Variants in RBBP5 observed in about 807,000 individuals in gnomAD.
RBBP5 encodes the protein RB binding protein 5, histone lysine methyltransferase complex subunit.
Under a neutral mutation model 72.2 loss-of-function variants are expected in RBBP5, and 5 were observed. The observed-to-expected ratio is 0.07, with a 90% CI of 0.04 to 0.15. The LOEUF is 0.15. Among genes scored for constraint, RBBP5 ranks in the 10% least tolerant of loss-of-function variants. RBBP5 has a pLI of 1.00. For synonymous variants in RBBP5, 209 were observed against 237.2 expected (o/e 0.88, Z 1.09); for missense variants, 322 against 652.2 (o/e 0.49, Z 5.51).
chr1:205,095,650 C>T (rs1161422936), intron 12 of RBBP5, among the ~76,000 whole-genome samples: 1 of 152,140 alleles, frequency 6.6e-6, no homozygotes, highest in South Asian at 2.1e-4. Flanking sequence ...GACTTTGGAA[C>T]TAGAGAGACT....
chr1:205,113,988 T>C lies in RBBP5; in HGVS notation c.218+801A>G, dbSNP rs572677121. Among the ~76,000 whole-genome samples, 261 of 152,316 alleles carry C rather than the reference T, an allele frequency of 1.7e-3. 1 individual carries two copies. The highest frequency in any genetic ancestry group is 3.0e-3 in the Non-Finnish European group (204 of 68,022). ...GCGTGAACCACCGCGCCTGGCCCTA[T>C]TTGAATCTTTATTGCAAGAATACAA... On this transcript the variant is annotated intron_variant, in intron 3 of 13. Transcript: ENST00000264515.
intron 13 of RBBP5, among the ~76,000 whole-genome samples, chr1:205,092,840 C>T (rs935567945): frequency 3.3e-5 from 5 of 152,212 alleles, no homozygotes; most frequent in Non-Finnish European, 7.3e-5. Context: ...CCTCAACCTC[C>T]CAAAGTGCTA....
intron 10 of RBBP5, 71 bp downstream of exon 10, chr1:205,098,918 C>A: frequency 6.4e-6 from 6 of 930,622 alleles, no homozygotes; most frequent in Non-Finnish European, 9.1e-6. Context: ...ATTTACAACA[C>A]AAATGAAGAA....
chr1:205,104,150 A>G, intron 4 of RBBP5, 131 bp from the exon 5 acceptor site: 3 of 946,842 alleles, frequency 3.2e-6, no homozygotes, highest in East Asian at 2.5e-5. Context: ...ACAGTGAAAA[A>G]GCATAAAATC....
In RBBP5 at chr1:205,103,998, G is replaced by A; in HGVS notation, c.381C>T (p.Pro127=). 1 of 1,613,960 alleles carries A rather than the reference G, an allele frequency of 6.2e-7. No individual in the cohort carries two copies. Among genetic ancestry groups the A allele is most frequent in the Non-Finnish European group, 8.5e-7 (1 of 1,179,858 alleles). The change falls in exon 5 of 14, where the codon CCC becomes CCT. Residue 127 remains proline, a synonymous_variant. Transcript: ENST00000264515. ...TCAACATGACAGGAGCAGATTTCATGGGACACACGAGAACCTTGTTCCTGT... is the reference window on the plus strand; with the variant it reads ...TCAACATGACAGGAGCAGATTTCATAGGACACACGAGAACCTTGTTCCTGT... ...PRDQNKVLVC[P]MKSAPVMLTL...
At chr1:205,115,948 G>C (rs752537449) in intron 1 of RBBP5, 65 bp from the exon 2 acceptor site, 1 of 1,613,794 alleles carries the variant, frequency 6.2e-7, no homozygotes, top group South Asian at 1.1e-5. Flanking sequence ...TACAACTCAC[G>C]AACAGTGTAT....
chr1:205,101,591 C>A lies in RBBP5; in HGVS notation c.632+9G>T. 1 of 1,587,760 alleles carries A rather than the reference C, an allele frequency of 6.3e-7. No homozygotes were observed. Among genetic ancestry groups the A allele is most frequent in the Non-Finnish European group, 8.6e-7 (1 of 1,159,730 alleles). ...AAAACTGTCCCTTAAAAGGTAAGATCTCACTCACCTCCCCTTCCGGGCAAA... is the reference window on the plus strand; with the variant it reads ...AAAACTGTCCCTTAAAAGGTAAGATATCACTCACCTCCCCTTCCGGGCAAA... On this transcript the variant is annotated intron_variant, in intron 6 of 13. Transcript: ENST00000264515.
chr1:205,093,810 A>C (rs1655508854), intron 13 of RBBP5, among the ~76,000 whole-genome samples: 1 of 152,030 alleles, frequency 6.6e-6, no homozygotes, highest in African/African-American at 2.4e-5. Context: ...ACAATGATTA[A>C]ATGATGTAAG....
In RBBP5 at chr1:205,087,159, G is replaced by A. The variant is rs1655167096; in HGVS notation, c.*1628C>T. The A allele has an allele frequency of 6.6e-6, 1 of 150,900 alleles. No individual in the cohort carries two copies. The allele number at this position is 150,900 out of a possible 1,614,324, so 9.3% of individuals were successfully genotyped here. On this transcript the variant is annotated 3_prime_UTR_variant, in exon 14 of 14. Transcript: ENST00000264515. ...TCCTAAAATCTAACAGGTAATCAATGTGTTTGGCTACCTATAGGAGCATCC... is the reference window on the plus strand; with the variant it reads ...TCCTAAAATCTAACAGGTAATCAATATGTTTGGCTACCTATAGGAGCATCC...
intron 1 of RBBP5, among the ~76,000 whole-genome samples, chr1:205,116,650 C>A (rs902948331): frequency 6.6e-6 from 1 of 152,166 alleles, no homozygotes; most frequent in Non-Finnish European, 1.5e-5. Flanking sequence ...CCCGTCTCTA[C>A]TAAAAATACA....
In RBBP5 at chr1:205,121,948, T is replaced by C. The variant is rs1656754710; in HGVS notation, c.-75A>G. 3 of 1,598,602 alleles carry C rather than the reference T, an allele frequency of 1.9e-6. No individual in the cohort carries two copies. The highest frequency in any genetic ancestry group is 1.3e-5 in the African/African-American group (1 of 74,904). Reference sequence around the variant, plus strand: ...CCCCGGCCGGCTTCAGCAACTTGCGTCTAAGTGGTGGACGCCGCGAAGAGA... The same window carrying C: ...CCCCGGCCGGCTTCAGCAACTTGCGCCTAAGTGGTGGACGCCGCGAAGAGA... On this transcript the variant is annotated 5_prime_UTR_variant, in exon 1 of 14. Coordinates refer to ENST00000264515, the MANE Select transcript of RBBP5 (RefSeq NM_005057.4).
At chr1:205,090,430 G>A (rs190876814) in intron 13 of RBBP5, among the ~76,000 whole-genome samples, 344 of 152,208 alleles carry the variant, frequency 2.3e-3, no homozygotes, top group African/African-American at 7.3e-3. Context: ...TTTCTATACC[G>A]TCCTTGTTTT....
At position 205,086,222 on chromosome 1, in the gene RBBP5, C is replaced by CA. The variant is rs1412892011; in HGVS notation, c.*2564dup. ...ACCCAAGGCTAAGTCTCATCTTGTACAAAACTACAGATTTTTTTTTTTTTT... is the reference window on the plus strand; with the variant it reads ...ACCCAAGGCTAAGTCTCATCTTGTACAAAAACTACAGATTTTTTTTTTTTTT... On this transcript the variant is annotated 3_prime_UTR_variant, in exon 14 of 14. Coordinates refer to ENST00000264515, the MANE Select transcript of RBBP5 (RefSeq NM_005057.4). 6.9e-6 allele frequency: 1 copy of CA among 145,010 alleles called. No individual in the cohort carries two copies. The highest frequency in any genetic ancestry group is 1.5e-5 in the Non-Finnish European group (1 of 67,054). The allele number at this position is 145,010 out of a possible 1,614,324, so 9.0% of individuals were successfully genotyped here.
rs771893929 is a variant in RBBP5 at position 205,121,909 on chromosome 1, C to A, written c.-36G>T. 3.8e-5 allele frequency: 61 copies of A among 1,608,086 alleles called. No individual in the cohort carries two copies. Among genetic ancestry groups the A allele is most frequent in the Non-Finnish European group, 5.2e-5 (61 of 1,179,830 alleles). On this transcript the variant is annotated 5_prime_UTR_variant, in exon 1 of 14. Transcript: ENST00000264515. ...TGTGGCCGCCCGGTCTCAGCTCCGGCAACAACACCTTCTCCCCGGCCGGCT... is the reference window on the plus strand; with the variant it reads ...TGTGGCCGCCCGGTCTCAGCTCCGGAAACAACACCTTCTCCCCGGCCGGCT...
chr1:205,106,494 G>A (rs1307441695), intron 3 of RBBP5, among the ~76,000 whole-genome samples: 5 of 152,186 alleles, frequency 3.3e-5, no homozygotes, highest in Admixed American at 3.3e-4. Context: ...CTACTCGGGA[G>A]GCTTGAGGCA....
chr1:205,105,120 T>C lies in RBBP5; in HGVS notation c.267A>G (p.Ile89Met), dbSNP rs374048725. The change falls in exon 4 of 14, where the codon ATA becomes ATG. Residue 89 changes from isoleucine to methionine, a missense_variant. Around this residue, in one of 6 missense-constraint regions of RBBP5, gnomAD observed 161 missense variants for 327.8 expected, o/e 0.49. Coordinates refer to ENST00000264515, the MANE Select transcript of RBBP5 (RefSeq NM_005057.4). ...HKLVSASTDN[I>M]VSQWDVLSGD... is the part of the protein sequence containing the mutation. The stretch of plus-strand genomic sequence containing the variant: ...CTGAAAGAACATCCCACTGTGACAC[T>C]ATGTTATCAGTGGAAGCACTCACGA... 12 of 1,613,716 alleles carry C rather than the reference T, an allele frequency of 7.4e-6. No homozygotes were observed. The highest frequency in any genetic ancestry group is 1.0e-5 in the Non-Finnish European group (12 of 1,179,988).
intron 3 of RBBP5, among the ~76,000 whole-genome samples, chr1:205,113,727 C>T (rs2102324464): frequency 6.6e-6 from 1 of 151,006 alleles, no homozygotes; most frequent in South Asian, 2.1e-4. Context: ...CTCTGTTGCC[C>T]AGGCTAGAGT....
chr1:205,103,557 T>C (rs1223641642), intron 5 of RBBP5, among the ~76,000 whole-genome samples: 9 of 152,188 alleles, frequency 5.9e-5, no homozygotes, highest in Admixed American at 5.9e-4. Flanking sequence ...TTGAGAAATT[T>C]TGATCAGCAG....
At chr1:205,088,889 G>C (rs900624086) in intron 13 of RBBP5, 74 bp from the exon 14 acceptor site, 2 of 1,384,042 alleles carry the variant, frequency 1.4e-6, no homozygotes, top group Non-Finnish European at 9.9e-7. Context: ...CAGAAATACT[G>C]AATGCTGGAT....
Sources: allele counts gnomAD v4.1 joint callset (sites outside exome capture counted in the v4.1 genomes callset), GRCh38; gene constraint gnomAD v4.1.1; regional missense constraint gnomAD v4.1.1; transcripts MANE v1.5; gene names NCBI Gene and HGNC (gene_info 2026-07-23, HGNC 2026-07-21).